Variants in PIGG observed in about 807,000 individuals in gnomAD.
PIGG encodes phosphatidylinositol glycan anchor biosynthesis class G (EMM blood group).
In PIGG, 70 loss-of-function variants were observed where a neutral mutation model predicts 83.2. That is an observed-to-expected ratio of 0.84 (90% confidence interval 0.69 to 1.03). The LOEUF (loss-of-function observed/expected upper bound fraction) is 1.03. Ranked by LOEUF, PIGG falls within the 50% of genes least tolerant of loss-of-function variation. The probability of loss-of-function intolerance (pLI) is 0.00; values close to 1 mark genes in which losing one functional copy is unlikely to be tolerated. For synonymous variants in PIGG, 532 were observed against 519.5 expected, an observed-to-expected ratio of 1.02 and a Z score of -0.33; for missense variants, 1,257 against 1,233.6, an observed-to-expected ratio of 1.02 and a Z score of -0.28.
In PIGG at chr4:510,048, G is replaced by T. The variant is rs999962218; in HGVS notation, c.901+1078G>T. Among the ~76,000 whole-genome samples, 10 of 152,246 alleles carry T rather than the reference G, an allele frequency of 6.6e-5. No individual in the cohort carries two copies. The South Asian group carries it at 1.5e-3, about 22-fold the overall frequency. ...TCTTTTTATGAAGCTTCTTGGCCGA[G>T]ACCAGCTCGGTCCGGGAGACTTTGA... On this transcript the variant is annotated intron_variant, in intron 5 of 12. Coordinates refer to ENST00000453061, the MANE Select transcript of PIGG (RefSeq NM_001127178.3).
intron 12 of PIGG, 94 bp from the exon 13 acceptor site, chr4:539,059 A>C: frequency 2.2e-5 from 17 of 777,600 alleles, no homozygotes; most frequent in Non-Finnish European, 3.3e-5. Context: ...TCCAAGGGCA[A>C]GAGCTACTGG....
At chr4:508,023 G>GTCTGTTCTGTGTCTCTGTT (rs1560287420) in intron 4 of PIGG, among the ~76,000 whole-genome samples, 1 of 151,862 alleles carries the variant, frequency 6.6e-6, no homozygotes, top group Non-Finnish European at 1.5e-5. Context: ...GTGTCACTCT[G>GTCTGTTCTGTGTCTCTGTT]TCTGTTCTGT....
chr4:527,183 C>T lies in PIGG; in HGVS notation c.2214C>T (p.Ile738=), dbSNP rs142756716. Residue 738 remains isoleucine (I), a synonymous_variant, in exon 10 of 13, where the codon ATC becomes ATT. Transcript: ENST00000453061. ...GCGTCTACTGCTACCGGGCGGCCAT[C>T]GGGAGTGTCCGGTTCCCGTGGCGGC... ...LLGVYCYRAA[I]GSVRFPWRPD... 4.5e-5 allele frequency: 72 copies of T among 1,611,726 alleles called. No individual in the cohort carries two copies. The highest frequency in any genetic ancestry group is 2.2e-4 in the Admixed American group (13 of 59,716).
chr4:507,312 C>G (rs2108800272), intron 3 of PIGG, 93 bp from the exon 4 acceptor site: 1 of 972,484 alleles, frequency 1.0e-6, no homozygotes, highest in East Asian at 2.4e-5. Flanking sequence ...TGAATAAACC[C>G]CTAGATTTTA....
chr4:525,759 A>G (rs543625993), intron 9 of PIGG: 2 of 152,374 alleles, frequency 1.3e-5, no homozygotes, highest in Non-Finnish European at 2.9e-5. Flanking sequence ...GGGTCCTTCT[A>G]TCTGCCTGCT....
intron 12 of PIGG, among the ~76,000 whole-genome samples, chr4:538,111 G>A (rs1042283708): frequency 1.3e-5 from 2 of 151,746 alleles, no homozygotes; most frequent in Non-Finnish European, 2.9e-5. Context: ...GACATGCAGC[G>A]GGACCCACAC....
Position 523,317 on chromosome 4 carries a change from C to T in PIGG, c.1615-142C>T, listed in dbSNP as rs540840436. ...CCGTTGGAGCAGAAGGGGGCTGTTC[C>T]AGAGTAGGGGCCCAGGTGCTGGGTG... On this transcript the variant is annotated intron_variant, in intron 8 of 12. Transcript: ENST00000453061. 7.0e-5 allele frequency: 49 copies of T among 701,924 alleles called. No individual in the cohort carries two copies. In the African/African-American group the frequency reaches 7.8e-4, roughly 11 times the overall value. The allele number at this position is 701,924 out of a possible 1,614,324, so 43.5% of individuals were successfully genotyped here.
At chr4:531,248 G>A (rs1728988189) in intron 11 of PIGG, 1 of 165,292 alleles carries the variant, frequency 6.0e-6, no homozygotes, top group Non-Finnish European at 1.3e-5. Flanking sequence ...AGGCAGACGG[G>A]GCCTCAGAGG....
At chr4:520,989 G>A in intron 6 of PIGG, 67 bp from the exon 7 acceptor site, 1 of 1,100,056 alleles carries the variant, frequency 9.1e-7, no homozygotes, top group Non-Finnish European at 1.4e-6. Context: ...AATACTTTGA[G>A]ATTATGTATA....
At chr4:503,852 ACACACACAC>A (rs1553877166) in intron 2 of PIGG, among the ~76,000 whole-genome samples, 1 of 80,302 alleles carries the variant, frequency 1.2e-5, no homozygotes, top group Non-Finnish European at 2.9e-5. Context: ...TTATACACAC[ACACACACAC>A]ACACACACAC....
chr4:500,357 TTA>T (rs1717188899), intron 1 of PIGG, 37 bp from the exon 2 acceptor site: 2 of 1,451,238 alleles, frequency 1.4e-6, no homozygotes, highest in African/African-American at 2.8e-5. Flanking sequence ...TAAGGAAAGT[TTA>T]GAGTTCAATT....
At chr4:533,687 C>G in intron 11 of PIGG, 131 bp from the exon 12 acceptor site, 1 of 800,950 alleles carries the variant, frequency 1.2e-6, no homozygotes, top group East Asian at 2.7e-5. Flanking sequence ...TCTGACCACA[C>G]GTGTGTCCGT....
rs1003362331 is a variant in PIGG at position 523,658 on chromosome 4, C to T, written c.1814C>T (p.Pro605Leu). The change falls in exon 9 of 13, where the codon CCT becomes CTT. Residue 605 changes from proline to leucine, a missense_variant. Pro to Leu is a moderately conservative substitution (Grantham distance 98). Coordinates refer to ENST00000453061, the MANE Select transcript of PIGG (RefSeq NM_001127178.3). Reference protein sequence around the residue: ...RNYFLGDDGEPPCGLCVEQGH... With the variant: ...RNYFLGDDGELPCGLCVEQGH... The stretch of plus-strand genomic sequence containing the variant: ...TACTTTCTGGGAGATGACGGTGAGC[C>T]TCCGTGTGGCCTCTGTGTGGAACAA... 6.2e-7 allele frequency: 1 copy of T among 1,614,216 alleles called. No individual in the cohort carries two copies. The highest frequency in any genetic ancestry group is 8.5e-7 in the Non-Finnish European group (1 of 1,180,024).
At chr4:506,807 C>T (rs1553879664) in intron 3 of PIGG, 3 of 456,210 alleles carry the variant, frequency 6.6e-6, no homozygotes. Context: ...GAACAGCCTT[C>T]TTGTAGGACA....
rs1252452823 is a variant in PIGG, at chr4:528,878, G to A, written c.2262-1558G>A. ...GCCTGGTTCACCTTCTTCCTGTAAAGTGCCTCCGTCCTTTGTCCCCATCTG... is the reference window on the plus strand; with the variant it reads ...GCCTGGTTCACCTTCTTCCTGTAAAATGCCTCCGTCCTTTGTCCCCATCTG... On this transcript the variant is annotated intron_variant, in intron 10 of 12. Transcript: ENST00000453061. The surrounding 1 kb of genome is among the most constrained non-coding windows in gnomAD (Gnocchi z 4.8). 6.6e-6 allele frequency among the ~76,000 whole-genome samples: 1 copy of A among 152,070 alleles called. No homozygotes were observed. Among genetic ancestry groups the A allele is most frequent in the East Asian group, 1.9e-4 (1 of 5,188 alleles).
At chr4:535,322 G>A (rs887487931) in intron 12 of PIGG, among the ~76,000 whole-genome samples, 6 of 140,228 alleles carry the variant, frequency 4.3e-5, no homozygotes, top group African/African-American at 1.2e-4. Flanking sequence ...TGGCCCCTGC[G>A]GCATCTACTA....
In PIGG at chr4:500,482, G is replaced by A. The variant is rs782117894; in HGVS notation, c.241G>A (p.Val81Met). ...GATAGATGCCTTGAGAGATGATTTTGTGTTTGGGTCAAAGGGTGTGAAATT... is the reference window on the plus strand; with the variant it reads ...GATAGATGCCTTGAGAGATGATTTTATGTTTGGGTCAAAGGGTGTGAAATT... ...VLIDALRDDF[V>M]FGSKGVKFMP... is the part of the protein sequence containing the mutation. The change falls in exon 2 of 13, where the codon GTG (valine) becomes ATG (methionine). Residue 81 changes from valine (V) to methionine (M), a missense_variant. Physicochemically the swap from Val to Met is conservative, Grantham distance 21. Transcript: ENST00000453061. The A allele has an allele frequency of 6.2e-7, 1 of 1,613,394 alleles. No homozygotes were observed. The highest frequency in any genetic ancestry group is 1.1e-5 in the South Asian group (1 of 91,070).
chr4:501,426 G>A (rs966835394), intron 2 of PIGG, among the ~76,000 whole-genome samples: 1 of 152,230 alleles, frequency 6.6e-6, no homozygotes, highest in African/African-American at 2.4e-5. Context: ...AACTGAGACT[G>A]GAAGGATGAA....
rs1183449606 is a variant in PIGG at position 521,747 on chromosome 4, C to T, written c.1420C>T (p.Leu474=). 1 of 1,614,112 alleles carries T rather than the reference C, an allele frequency of 6.2e-7. No homozygotes were observed. The stretch of plus-strand genomic sequence containing the variant: ...CCCACTGTCATCTCCTGGGTTTTCT[C>T]TGCTCTTTTATTTGGTGATCCTGGT... ...EVPLSSPGFS[L]LFYLVILVLS... Residue 474 remains leucine (L), a synonymous_variant, in exon 8 of 13, where the codon CTG becomes TTG. Coordinates refer to ENST00000453061, the MANE Select transcript of PIGG (RefSeq NM_001127178.3).
Sources: allele counts gnomAD v4.1 joint callset (sites outside exome capture counted in the v4.1 genomes callset), GRCh38; gene constraint gnomAD v4.1.1; non-coding constraint Gnocchi (gnomAD v3.1); transcripts MANE v1.5; gene names NCBI Gene and HGNC (gene_info 2026-07-23, HGNC 2026-07-21).